Variants in URI1 observed in about 807,000 individuals in gnomAD.
The protein encoded by URI1 is unconventional prefoldin RPB5 interactor 1.
In URI1, 39 loss-of-function variants were observed where a neutral mutation model predicts 60.2. The observed-to-expected ratio is 0.65, with a 90% confidence interval of 0.50 to 0.85. URI1 has a LOEUF of 0.85. URI1 is among the 40% of genes least tolerant of loss of function. The pLI, the probability that URI1 is intolerant of heterozygous loss-of-function variation, is 0.00. For missense variants in URI1, 691 were observed against 665.9 expected (o/e 1.04, Z -0.42); for synonymous variants, 251 against 236.8 (o/e 1.06, Z -0.55).
chr19:29,971,479 A>G (rs936693471), intron 2 of URI1, among the ~76,000 whole-genome samples: 4 of 151,982 alleles, frequency 2.6e-5, no homozygotes, highest in African/African-American at 9.7e-5. Flanking sequence ...CTTTTCTAAG[A>G]ATAATATTAA....
chr19:29,945,370 G>GCT (rs543599160), intron 1 of URI1, among the ~76,000 whole-genome samples: 94 of 151,946 alleles, frequency 6.2e-4, no homozygotes, highest in African/African-American at 2.0e-3. Context: ...CAAGTTTTAC[G>GCT]CTCTCTCTCT....
chr19:29,941,728 A>G (rs966908853), upstream of URI1, among the ~76,000 whole-genome samples: 8 of 152,212 alleles, frequency 5.3e-5, no homozygotes, highest in African/African-American at 1.7e-4. Flanking sequence ...CTTAATTTAT[A>G]TAAGAGAAAA....
At chr19:29,969,471 A>G (rs1257692478) in intron 1 of URI1, among the ~76,000 whole-genome samples, 1 of 152,212 alleles carries the variant, frequency 6.6e-6, no homozygotes, top group Non-Finnish European at 1.5e-5. Flanking sequence ...AACCTTTAAC[A>G]CCGTCACTAA....
intron 1 of URI1, among the ~76,000 whole-genome samples, chr19:29,966,297 C>T (rs1473484724): frequency 6.6e-6 from 1 of 152,046 alleles, no homozygotes; most frequent in Non-Finnish European, 1.5e-5. Flanking sequence ...CACCACCACA[C>T]CTGGCTAATT....
At chr19:29,993,659 G>A (rs1956945587) in intron 4 of URI1, among the ~76,000 whole-genome samples, 1 of 151,840 alleles carries the variant, frequency 6.6e-6, no homozygotes, top group Admixed American at 6.6e-5. Context: ...TCACAAGATG[G>A]GCTTTTTTAA....
intron 4 of URI1, among the ~76,000 whole-genome samples, chr19:29,993,031 C>T (rs911013924): frequency 1.3e-5 from 2 of 152,080 alleles, no homozygotes; most frequent in African/African-American, 2.4e-5. Context: ...AATTATTTTA[C>T]CGTGTGTCTT....
chr19:29,984,317 T>C (rs1304541846), intron 2 of URI1, among the ~76,000 whole-genome samples: 1 of 152,114 alleles, frequency 6.6e-6, no homozygotes, highest in Non-Finnish European at 1.5e-5. Flanking sequence ...TAGTCTCAGC[T>C]ACTCAGGAGG....
intron 1 of URI1, among the ~76,000 whole-genome samples, chr19:29,961,943 C>G (rs1410144355): frequency 6.6e-6 from 1 of 152,174 alleles, no homozygotes; most frequent in African/African-American, 2.4e-5. Flanking sequence ...CCTCGGCCTC[C>G]CAAAGTGCTG....
intron 1 of URI1, among the ~76,000 whole-genome samples, chr19:29,942,931 G>A (rs1012894927): frequency 5.9e-5 from 9 of 152,212 alleles, no homozygotes; most frequent in African/African-American, 1.2e-4. Flanking sequence ...TGGGGGCGGG[G>A]GCAGCACGCT....
At chr19:29,982,041 G>GAACA (rs2055604734) in intron 2 of URI1, among the ~76,000 whole-genome samples, 1 of 152,152 alleles carries the variant, frequency 6.6e-6, no homozygotes, top group Admixed American at 6.5e-5. Flanking sequence ...GGAGATCACT[G>GAACA]TTTGACTAAG....
intron 1 of URI1, among the ~76,000 whole-genome samples, chr19:29,931,045 T>C (rs1361363201): frequency 6.6e-6 from 1 of 152,138 alleles, no homozygotes; most frequent in Non-Finnish European, 1.5e-5. Flanking sequence ...TAGTAAGTTT[T>C]GAAATCAGGA....
intron 1 of URI1, among the ~76,000 whole-genome samples, chr19:29,951,034 G>A (rs772235807): frequency 5.3e-5 from 8 of 152,198 alleles, no homozygotes; most frequent in Non-Finnish European, 1.0e-4. Flanking sequence ...CAAAAGCTCC[G>A]AAGGCTGAGG....
chr19:29,995,647 TG>T (rs1373382814), intron 4 of URI1, among the ~76,000 whole-genome samples: 1 of 152,072 alleles, frequency 6.6e-6, no homozygotes, highest in African/African-American at 2.4e-5. Flanking sequence ...GTCCAGTTAG[TG>T]TTTTTTTGTT....
At chr19:29,995,870 A>G (rs1722949053) in intron 4 of URI1, among the ~76,000 whole-genome samples, 1 of 151,814 alleles carries the variant, frequency 6.6e-6, no homozygotes, top group Admixed American at 6.6e-5. Context: ...CACTGTCCTT[A>G]CCTTTTTGAA....
chr19:29,943,709 G>A (rs1219500192), intron 1 of URI1, among the ~76,000 whole-genome samples: 1 of 152,138 alleles, frequency 6.6e-6, no homozygotes, highest in Non-Finnish European at 1.5e-5. Flanking sequence ...CACCTGTTGG[G>A]ATGAACTGCG....
At chr19:29,938,969 C>G (rs1345228621), upstream of URI1, among the ~76,000 whole-genome samples, 2 of 127,210 alleles carry the variant, frequency 1.6e-5, no homozygotes, top group Non-Finnish European at 3.2e-5. Context: ...AGCCACTGTG[C>G]CTGGCCTACC....
rs995025775 is a variant in URI1 at position 30,011,334 on chromosome 19, C to T, written c.1178+98C>T. On this transcript the variant is annotated intron_variant, in intron 9 of 10. Transcript: ENST00000392271. ...GAAAGTTGACTGTAACACAGAAGACCCTCACTGAAAAGTGAAGTGTTCTGA... is the reference window on the plus strand; with the variant it reads ...GAAAGTTGACTGTAACACAGAAGACTCTCACTGAAAAGTGAAGTGTTCTGA... The T allele has an allele frequency of 3.5e-6, 5 of 1,442,830 alleles. No individual in the cohort carries two copies. The South Asian group carries it at 6.1e-5, about 18-fold the overall frequency. The allele number at this position is 1,442,830 out of a possible 1,614,324, so 89.4% of individuals were successfully genotyped here. A position where few individuals can be genotyped will look rare whatever the true frequency, so the allele number is the denominator to read the frequency against.
At chr19:29,934,620 C>T (rs756211057) in intron 1 of URI1, among the ~76,000 whole-genome samples, 28 of 152,184 alleles carry the variant, frequency 1.8e-4, no homozygotes, top group African/African-American at 3.6e-4. Context: ...ACTGCAGCTT[C>T]GACCTCTTGG....
At chr19:29,986,219 T>C in intron 3 of URI1, 63 bp from the exon 4 acceptor site, 2 of 1,447,612 alleles carry the variant, frequency 1.4e-6, no homozygotes, top group South Asian at 3.1e-5. Context: ...GCGAAGTGTT[T>C]TATAAAATGT....
Sources: gnomAD v4.1 joint callset for allele counts (sites outside exome capture counted in the v4.1 genomes callset) on GRCh38, gnomAD v4.1.1 for gene constraint, MANE v1.5 for transcripts, NCBI Gene and HGNC (gene_info 2026-07-23, HGNC 2026-07-21) for gene names.